The following CCDC137 variants were observed in gnomAD, a reference collection of about 807,000 sequenced individuals.
CCDC137 encodes the protein coiled-coil domain-containing protein 137.
Under a neutral mutation model 30.4 loss-of-function variants are expected in CCDC137, and 24 were observed. The ratio of observed to expected loss-of-function variants is 0.79; its 90% CI spans 0.57 to 1.11. The LOEUF is 1.11. Ranked by LOEUF, CCDC137 falls within the 50% of genes least tolerant of loss-of-function variation. The pLI, the probability that CCDC137 is intolerant of heterozygous loss-of-function variation, is 0.00. For missense variants in CCDC137, 417 were observed against 380.4 expected, an observed-to-expected ratio of 1.10 and a Z score of -0.80; for synonymous variants, 182 against 155.7, an observed-to-expected ratio of 1.17 and a Z score of -1.26.
At chr17:81,669,231 C>T (rs1427415060) in intron 2 of CCDC137, among the ~76,000 whole-genome samples, 2 of 149,866 alleles carry the variant, frequency 1.3e-5, no homozygotes, top group Non-Finnish European at 3.0e-5. Context: ...CTGCAACCTC[C>T]ACCTTCCAGG....
At chr17:81,667,096 GTT>G in intron 1 of CCDC137, 196 bp downstream of exon 1, 2 of 538,108 alleles carry the variant, frequency 3.7e-6, no homozygotes, top group Non-Finnish European at 5.6e-6. Flanking sequence ...CGAGTCCTTG[GTT>G]TTGCCTTTCC....
At chr17:81,671,060 A>G (rs1411372195) in intron 3 of CCDC137, among the ~76,000 whole-genome samples, 2 of 150,700 alleles carry the variant, frequency 1.3e-5, no homozygotes, top group African/African-American at 2.4e-5. Flanking sequence ...TGAATCCGGG[A>G]GGCAGAGGTT....
chr17:81,671,199 T>C (rs1568201733), intron 3 of CCDC137, among the ~76,000 whole-genome samples: 2 of 152,000 alleles, frequency 1.3e-5, no homozygotes, highest in South Asian at 4.1e-4. Flanking sequence ...AGATTCCCTG[T>C]TTCTGGATTG....
rs771603702 is a variant in CCDC137 at position 81,670,471 on chromosome 17, G to A, written c.497+18G>A. ...AAAAAAGCGTGAGTGGAGGCGGGAG[G>A]GGGAGGGGTCTGCCCTGGGAGCCGG... On this transcript the variant is annotated intron_variant, in intron 3 of 5. Coordinates refer to ENST00000329214, the MANE Select transcript of CCDC137 (RefSeq NM_199287.3). The A allele has an allele frequency of 1.2e-6, 2 of 1,602,716 alleles. No homozygotes were observed. Among genetic ancestry groups the A allele is most frequent in the South Asian group, 2.2e-5 (2 of 90,278 alleles).
chr17:81,668,661 C>T (rs1383325726), intron 2 of CCDC137, among the ~76,000 whole-genome samples: 1 of 152,146 alleles, frequency 6.6e-6, no homozygotes, highest in Non-Finnish European at 1.5e-5. Context: ...ATGGCACGTT[C>T]TGAACCGTGC....
In CCDC137 at chr17:81,670,417, C is replaced by T. The variant is rs767426074; in HGVS notation, c.461C>T (p.Pro154Leu). The T allele has an allele frequency of 1.2e-6, 2 of 1,613,626 alleles. No homozygotes were observed. The highest frequency in any genetic ancestry group is 1.7e-6 in the Non-Finnish European group (2 of 1,180,014). Residue 154 changes from proline to leucine, a missense_variant, in exon 3 of 6, where the codon CCC (proline) becomes CTC (leucine). Physicochemically the swap from Pro to Leu is moderately conservative, Grantham distance 98. Transcript: ENST00000329214. ...AIRQPEVQAAPKEKSEQKKAK... is the reference protein window; with the variant it reads ...AIRQPEVQAALKEKSEQKKAK... ...CGGCAGCCAGAGGTGCAGGCAGCTC[C>T]CAAGGAGAAGTCTGAGCAGAAAAAA...
At chr17:81,670,143 C>T (rs1189132987) in intron 2 of CCDC137, 82 bp from the exon 3 acceptor site, 2 of 1,096,462 alleles carry the variant, frequency 1.8e-6, no homozygotes, top group Non-Finnish European at 1.3e-6. Context: ...CTTCCTGTGG[C>T]TTTGGGAGGG....
chr17:81,669,101 G>C (rs1261571304), intron 2 of CCDC137, among the ~76,000 whole-genome samples: 1 of 151,938 alleles, frequency 6.6e-6, no homozygotes, highest in Non-Finnish European at 1.5e-5. Flanking sequence ...TGTTGGCCAG[G>C]CTGGTTTTGA....
At position 81,666,828 on chromosome 17, in the gene CCDC137, G is replaced by A. The variant is rs1321469116; in HGVS notation, c.62G>A (p.Arg21Gln). The A allele has an allele frequency of 1.5e-6, 2 of 1,349,746 alleles. No homozygotes were observed. The highest frequency in any genetic ancestry group is 1.9e-6 in the Non-Finnish European group (2 of 1,047,602). The allele number at this position is 1,349,746 out of a possible 1,614,324, so 83.6% of individuals were successfully genotyped here. A position where few individuals can be genotyped will look rare whatever the true frequency, so the allele number is the denominator to read the frequency against. ...GTGCAGGCGGGTCCTGGGAGTCCCC[G>A]GCGAGCGCGGGGGCGGCAGCAAGTG... ...SRVQAGPGSP[R>Q]RARGRQQVQP... Residue 21 changes from arginine to glutamine, a missense_variant, in exon 1 of 6, where the codon CGG (arginine) becomes CAG (glutamine). Physicochemically the swap from Arg to Gln is conservative, Grantham distance 43 (BLOSUM62 1). Transcript: ENST00000329214.
intron 5 of CCDC137, 137 bp downstream of exon 5, chr17:81,672,292 C>A: frequency 1.0e-6 from 1 of 1,001,934 alleles, no homozygotes; most frequent in Non-Finnish European, 1.5e-6. Context: ...ATTGCTTGAG[C>A]CCAGGAGTTG....
chr17:81,667,045 C>T (rs2036642355), intron 1 of CCDC137, 145 bp downstream of exon 1: 16 of 852,984 alleles, frequency 1.9e-5, no homozygotes, highest in Non-Finnish European at 2.5e-5. Context: ...TGCCCGCGGC[C>T]CACGCTCCGC....
intron 4 of CCDC137, 124 bp from the exon 5 acceptor site, chr17:81,671,952 G>A: frequency 1.4e-6 from 2 of 1,451,502 alleles, no homozygotes; most frequent in Non-Finnish European, 1.9e-6. Context: ...ACAGCCATTA[G>A]ACCACTGGAT....
chr17:81,671,777 G>A lies in CCDC137; in HGVS notation c.531G>A (p.Arg177=). The change falls in exon 4 of 6, where the codon CGG becomes CGA. Residue 177 remains arginine (R), a synonymous_variant. Transcript: ENST00000329214. ...AGCGGCGACTAGATAAAGTCCGACG[G>A]AAAAAGGAGGAAAAGGCGGCAGACA... ...FQKRRLDKVR[R]KKEEKAADRL... The A allele has an allele frequency of 3.1e-6, 5 of 1,612,872 alleles. No individual in the cohort carries two copies. Among genetic ancestry groups the A allele is most frequent in the Non-Finnish European group, 4.2e-6 (5 of 1,179,802 alleles).
rs1253012248 is a variant in CCDC137, at chr17:81,667,798, G to A, written c.204G>A (p.Arg68=). The change falls in exon 2 of 6, where the codon CGG becomes CGA. Residue 68 remains arginine, a synonymous_variant. Coordinates refer to ENST00000329214, the MANE Select transcript of CCDC137 (RefSeq NM_199287.3). The stretch of plus-strand genomic sequence containing the variant: ...AACAGGAGATTCCTTTCCGGCTCCG[G>A]GAGATTATGAGGAGCCGCCAAGAGA... ...QDEQEIPFRL[R]EIMRSRQEMK... 6.2e-6 allele frequency: 10 copies of A among 1,612,886 alleles called. No homozygotes were observed. The highest frequency in any genetic ancestry group is 2.7e-5 in the African/African-American group (2 of 74,870).
At position 81,666,786 on chromosome 17, in the gene CCDC137, G is replaced by A. The variant is rs761263729; in HGVS notation, c.20G>A (p.Gly7Glu). ...GTGGAGATGGCGGGAGCTGGTCGCG[G>A]AGCAGCGGTGTCCAGGGTGCAGGCG... MAGAGR[G>E]AAVSRVQAGP... Residue 7 changes from glycine to glutamate, a missense_variant, in exon 1 of 6, where the codon GGA becomes GAA. Gly to Glu is a moderately conservative substitution (Grantham distance 98, BLOSUM62 -2). Coordinates refer to ENST00000329214, the MANE Select transcript of CCDC137 (RefSeq NM_199287.3). 4.1e-6 allele frequency: 6 copies of A among 1,469,036 alleles called. No homozygotes were observed. The highest frequency in any genetic ancestry group is 5.4e-6 in the Non-Finnish European group (6 of 1,115,598). 91.0% of individuals were successfully genotyped at this position (1,469,036 alleles called of 1,614,324 possible).
intron 1 of CCDC137, among the ~76,000 whole-genome samples, chr17:81,667,495 T>G (rs1307076574): frequency 2.0e-5 from 3 of 151,712 alleles, no homozygotes. Context: ...GCCCGGCAAA[T>G]TTTTTGTATT....
At chr17:81,669,623 A>T (rs62080209) in intron 2 of CCDC137, among the ~76,000 whole-genome samples, 1 of 150,800 alleles carries the variant, frequency 6.6e-6, no homozygotes, top group Non-Finnish European at 1.5e-5. Flanking sequence ...GCAGTGGCGC[A>T]ATCTCGGCTC....
chr17:81,671,906 G>A (rs2036723127), intron 4 of CCDC137, 80 bp downstream of exon 4: 1 of 1,527,834 alleles, frequency 6.5e-7, no homozygotes, highest in Non-Finnish European at 9.0e-7. Context: ...CACCAGCCCT[G>A]GCTGCACTGG....
At position 81,670,470 on chromosome 17, in the gene CCDC137, G is replaced by T. The variant is rs747511134; in HGVS notation, c.497+17G>T. The T allele has an allele frequency of 6.2e-7, 1 of 1,602,384 alleles. No homozygotes were observed. The highest frequency in any genetic ancestry group is 8.5e-7 in the Non-Finnish European group (1 of 1,173,164). On this transcript the variant is annotated intron_variant, in intron 3 of 5. Transcript: ENST00000329214. Reference sequence around the variant, plus strand: ...AAAAAAAGCGTGAGTGGAGGCGGGAGGGGGAGGGGTCTGCCCTGGGAGCCG... The same window carrying T: ...AAAAAAAGCGTGAGTGGAGGCGGGATGGGGAGGGGTCTGCCCTGGGAGCCG...
Sources: allele counts gnomAD v4.1 joint callset (sites outside exome capture counted in the v4.1 genomes callset), GRCh38; gene constraint gnomAD v4.1.1; transcripts MANE v1.5; gene names NCBI Gene and HGNC (gene_info 2026-07-23, HGNC 2026-07-21).